MAPKAP1: variants seen among roughly 807,000 people sequenced by gnomAD.
The protein encoded by MAPKAP1 is MAPK associated protein 1, also known as target of rapamycin complex 2 subunit MAPKAP1.
A neutral mutation model predicts 65.7 loss-of-function variants in MAPKAP1; 20 were observed. The ratio of observed to expected loss-of-function variants is 0.30; its 90% CI spans 0.21 to 0.44. MAPKAP1 has a LOEUF of 0.44. Among genes scored for constraint, MAPKAP1 ranks in the 20% least tolerant of loss-of-function variants. The pLI is 1.00. For missense variants in MAPKAP1, 423 were observed against 648.0 expected (o/e 0.65, Z 3.77); for synonymous variants, 222 against 244.3 (o/e 0.91, Z 0.85).
intron 1 of MAPKAP1, among the ~76,000 whole-genome samples, chr9:125,698,293 ATATATAT>A (rs1835468026): frequency 2.6e-4 from 1 of 3,838 alleles, no homozygotes; most frequent in African/African-American, 1.2e-3. Context: ...ATATAAATAT[ATATATAT>A]ATATATATAT....
intron 7 of MAPKAP1, among the ~76,000 whole-genome samples, chr9:125,526,524 TG>T (rs1829773231): frequency 6.6e-6 from 1 of 152,242 alleles, no homozygotes; most frequent in African/African-American, 2.4e-5. Flanking sequence ...TATAACATTT[TG>T]GTCTTAAAAA....
intron 5 of MAPKAP1, among the ~76,000 whole-genome samples, chr9:125,583,182 A>C (rs1371916773): frequency 6.6e-6 from 1 of 152,198 alleles, no homozygotes; most frequent in Non-Finnish European, 1.5e-5. Flanking sequence ...TTAAAGCATG[A>C]ACTTAAAGGT....
intron 4 of MAPKAP1, among the ~76,000 whole-genome samples, chr9:125,609,518 T>C (rs1448564367): frequency 5.3e-5 from 8 of 152,156 alleles, no homozygotes; most frequent in Non-Finnish European, 7.4e-5. Flanking sequence ...GAGTATGTTG[T>C]TTATTTGTCT....
chr9:125,652,243 T>C lies in MAPKAP1; in HGVS notation c.498+5408A>G, dbSNP rs16928370. ...AACATTTGTTCATAATTATCCGACA[T>C]AGACTGGAACAATGCTGAAACAAGA... On this transcript the variant is annotated intron_variant, in intron 4 of 11. Coordinates refer to ENST00000265960, the MANE Select transcript of MAPKAP1 (RefSeq NM_001006617.3). The C allele has an allele frequency of 4.1e-3, 5,238 of 1,290,232 alleles. 178 individuals carry two copies. In the African/African-American group the frequency reaches 0.071, roughly 17 times the overall value. The allele number at this position is 1,290,232 out of a possible 1,614,324, so 79.9% of individuals were successfully genotyped here.
intron 6 of MAPKAP1, among the ~76,000 whole-genome samples, chr9:125,550,772 C>T (rs1031780265): frequency 2.0e-5 from 3 of 152,200 alleles, no homozygotes; most frequent in Non-Finnish European, 2.9e-5. Context: ...CATTTCCATA[C>T]ACGAGGACAA....
At chr9:125,459,910 G>T (rs551682908) in intron 10 of MAPKAP1, among the ~76,000 whole-genome samples, 11 of 147,968 alleles carry the variant, frequency 7.4e-5, no homozygotes, top group African/African-American at 2.5e-4. Context: ...TACACACTTT[G>T]ATTTTAATGA....
intron 1 of MAPKAP1, among the ~76,000 whole-genome samples, chr9:125,695,114 G>T (rs1835344643): frequency 6.6e-6 from 1 of 152,132 alleles, no homozygotes; most frequent in East Asian, 1.9e-4. Flanking sequence ...TTAATTTTGG[G>T]GATGTGTCCG....
chr9:125,483,568 C>T (rs1286845126), intron 9 of MAPKAP1, among the ~76,000 whole-genome samples: 1 of 152,224 alleles, frequency 6.6e-6, no homozygotes, highest in Non-Finnish European at 1.5e-5. Context: ...TGCAGCTCAG[C>T]TCCCTGACTG....
intron 6 of MAPKAP1, among the ~76,000 whole-genome samples, chr9:125,551,354 T>G (rs941886310): frequency 1.3e-5 from 2 of 152,148 alleles, no homozygotes; most frequent in Non-Finnish European, 2.9e-5. Flanking sequence ...GTAAAGAGCA[T>G]GAATGAACCT....
At position 125,588,490 on chromosome 9, in the gene MAPKAP1, T is replaced by C. The variant is rs1181783597; in HGVS notation, c.499-2763A>G. 2.6e-5 allele frequency among the ~76,000 whole-genome samples: 4 copies of C among 152,188 alleles called. No individual in the cohort carries two copies. In the East Asian group the frequency reaches 5.8e-4, roughly 22 times the overall value. ...AACAGTTCATAACATTGTTAATATATTAAATACCACAGAACCGTACACTTT... is the reference window on the plus strand; with the variant it reads ...AACAGTTCATAACATTGTTAATATACTAAATACCACAGAACCGTACACTTT... On this transcript the variant is annotated intron_variant, in intron 4 of 11. Transcript: ENST00000265960.
At chr9:125,683,570 C>T (rs949593219) in intron 1 of MAPKAP1, among the ~76,000 whole-genome samples, 11 of 152,056 alleles carry the variant, frequency 7.2e-5, no homozygotes, top group Non-Finnish European at 1.0e-4. Context: ...GTCATATCAC[C>T]GCAAGGAAAT....
intron 4 of MAPKAP1, among the ~76,000 whole-genome samples, chr9:125,608,860 A>G (rs1255565999): frequency 6.6e-6 from 1 of 152,228 alleles, no homozygotes; most frequent in East Asian, 1.9e-4. Context: ...TATTAGTACC[A>G]AGAGAAATAT....
At chr9:125,444,071 G>C (rs1001016067) in intron 11 of MAPKAP1, among the ~76,000 whole-genome samples, 19 of 152,210 alleles carry the variant, frequency 1.2e-4, no homozygotes, top group Admixed American at 5.9e-4. Flanking sequence ...CTAGCAGAAA[G>C]TTAGGTATGT....
rs56718500 is a variant in MAPKAP1 at position 125,596,963 on chromosome 9, T to TAAAA, written c.499-11240_499-11237dup. ...ATCATGACGCTGAATAAATGTGTCT[T>TAAAA]AAAAAAAAAAAAAAAAAAGGCCAGG... On this transcript the variant is annotated intron_variant, in intron 4 of 11. Transcript: ENST00000265960. Among the ~76,000 whole-genome samples the TAAAA allele has an allele frequency of 7.4e-4, 96 of 129,314 alleles. 1 individual carries two copies. Among genetic ancestry groups the TAAAA allele is most frequent in the African/African-American group, 2.6e-3 (90 of 34,132 alleles). The allele number at this position is 129,314 out of a possible 152,430, so 84.8% of individuals were successfully genotyped here.
At chr9:125,694,251 T>G (rs903254050) in intron 1 of MAPKAP1, among the ~76,000 whole-genome samples, 1 of 151,412 alleles carries the variant, frequency 6.6e-6, no homozygotes, top group African/African-American at 2.4e-5. Context: ...CTGCTTGAAC[T>G]CAGGAGGCAG....
intron 6 of MAPKAP1, among the ~76,000 whole-genome samples, chr9:125,551,178 GC>G (rs1830573632): frequency 6.6e-6 from 1 of 152,014 alleles, no homozygotes; most frequent in African/African-American, 2.4e-5. Context: ...TATTCTCCCT[GC>G]CCTCCTCTTT....
intron 1 of MAPKAP1, among the ~76,000 whole-genome samples, chr9:125,685,040 C>A (rs994760175): frequency 1.1e-4 from 16 of 152,122 alleles, no homozygotes; most frequent in Middle Eastern, 3.2e-3. Context: ...ACCCAGCACA[C>A]TGCCTGTTAG....
intron 8 of MAPKAP1, among the ~76,000 whole-genome samples, chr9:125,488,126 AT>A (rs1854560536): frequency 6.6e-6 from 1 of 152,092 alleles, no homozygotes; most frequent in African/African-American, 2.4e-5. Context: ...CTACTCTCTG[AT>A]AGCGTAAATT....
At position 125,439,471 on chromosome 9, in the gene MAPKAP1, C is replaced by T. The variant is rs186487835; in HGVS notation, c.1444-459G>A. Among the ~76,000 whole-genome samples the T allele has an allele frequency of 2.1e-4, 32 of 152,364 alleles. No homozygotes were observed. In the East Asian group the frequency reaches 6.2e-3, roughly 29 times the overall value. On this transcript the variant is annotated intron_variant, in intron 11 of 11. Coordinates refer to ENST00000265960, the MANE Select transcript of MAPKAP1 (RefSeq NM_001006617.3). This position sits in a 1 kb window ranked among gnomAD's most constrained non-coding sequence, Gnocchi z 4.0. ...GGCTCTCCATCCAGCCTCCCACCAG[C>T]CAGGCGCAGAGCTTCCCACCACAGT...
Sources: gnomAD v4.1 joint callset for allele counts (sites outside exome capture counted in the v4.1 genomes callset) on GRCh38, gnomAD v4.1.1 for gene constraint, Gnocchi (gnomAD v3.1) non-coding constraint, MANE v1.5 for transcripts, NCBI Gene and HGNC (gene_info 2026-07-23, HGNC 2026-07-21) for gene names.